CRIM1: variants seen among roughly 807,000 people sequenced by gnomAD.
CRIM1 encodes the protein cysteine rich transmembrane BMP regulator 1, also known as cysteine-rich motor neuron 1 protein.
Under a neutral mutation model 116.4 loss-of-function variants are expected in CRIM1, and 32 were observed. The observed-to-expected ratio is 0.27, with a 90% confidence interval of 0.21 to 0.37. The LOEUF is 0.37. CRIM1 is among the 10% of genes least tolerant of loss of function. The pLI is 1.00. For missense variants in CRIM1, 1,331 were observed against 1,354.8 expected (o/e 0.98, Z 0.28); for synonymous variants, 590 against 509.2 (o/e 1.16, Z -2.13).
At chr2:36,495,321 G>A (rs957764526) in intron 7 of CRIM1, among the ~76,000 whole-genome samples, 6 of 152,154 alleles carry the variant, frequency 3.9e-5, no homozygotes, top group African/African-American at 1.2e-4. Flanking sequence ...GGCAATTTCC[G>A]TATTCAAAGC....
intron 2 of CRIM1, among the ~76,000 whole-genome samples, chr2:36,403,403 G>A (rs929297755): frequency 1.3e-5 from 2 of 152,194 alleles, no homozygotes; most frequent in Non-Finnish European, 2.9e-5. Flanking sequence ...ATACATCATT[G>A]TTTTATATTG....
intron 1 of CRIM1, among the ~76,000 whole-genome samples, chr2:36,377,330 G>A (rs1670401596): frequency 6.6e-6 from 1 of 152,204 alleles, no homozygotes; most frequent in Non-Finnish European, 1.5e-5. Flanking sequence ...TAGGGATACA[G>A]TCTCAAGAAA....
intron 2 of CRIM1, among the ~76,000 whole-genome samples, chr2:36,413,092 G>C (rs1673333081): frequency 6.6e-6 from 1 of 152,188 alleles, no homozygotes; most frequent in Non-Finnish European, 1.5e-5. Flanking sequence ...GACTCAGGCT[G>C]TCAGGAAAAT....
intron 12 of CRIM1, among the ~76,000 whole-genome samples, chr2:36,518,903 T>A (rs369271667): frequency 9.2e-5 from 14 of 152,214 alleles, no homozygotes; most frequent in East Asian, 7.7e-4. Context: ...AATGCCTGAA[T>A]TGAACTATGG....
At chr2:36,536,877 C>T (rs1666589590) in intron 13 of CRIM1, among the ~76,000 whole-genome samples, 2 of 151,940 alleles carry the variant, frequency 1.3e-5, no homozygotes, top group Admixed American at 6.6e-5. Context: ...GAAATCTACG[C>T]AGCATCCCTG....
chr2:36,420,321 A>G (rs932105325), intron 2 of CRIM1, among the ~76,000 whole-genome samples: 2 of 152,166 alleles, frequency 1.3e-5, no homozygotes, highest in African/African-American at 4.8e-5. Context: ...TATTTAATAT[A>G]CCCAAGAATC....
intron 13 of CRIM1, among the ~76,000 whole-genome samples, chr2:36,532,627 G>A (rs893944875): frequency 5.9e-5 from 9 of 152,122 alleles, no homozygotes; most frequent in East Asian, 3.9e-4. Flanking sequence ...ATCCTTGTCC[G>A]GGCAAGTGGT....
At chr2:36,468,772 A>C (rs1039175872) in intron 5 of CRIM1, among the ~76,000 whole-genome samples, 2 of 152,176 alleles carry the variant, frequency 1.3e-5, no homozygotes, top group Non-Finnish European at 2.9e-5. Context: ...TGTCTTACAC[A>C]TGGCCCACCT....
rs553986742 is a variant in CRIM1 at position 36,398,238 on chromosome 2, G to A, written c.505+1451G>A. On this transcript the variant is annotated intron_variant, in intron 2 of 16. Transcript: ENST00000280527. ...ACATTTCAGGAAGCTGTCCTAAATG[G>A]TGAGTGCGTCACCATTGCTGTCATT... 7.2e-5 allele frequency among the ~76,000 whole-genome samples: 11 copies of A among 152,214 alleles called. No homozygotes were observed. The South Asian group carries it at 2.3e-3, about 32-fold the overall frequency.
chr2:36,480,495 A>C (rs1269473039), intron 7 of CRIM1, among the ~76,000 whole-genome samples: 2 of 152,242 alleles, frequency 1.3e-5, no homozygotes, highest in African/African-American at 4.8e-5. Context: ...AAATTAATCC[A>C]TGTTGAAGAT....
At position 36,484,809 on chromosome 2, in the gene CRIM1, A is replaced by G. The variant is rs534461107; in HGVS notation, c.1372+5115A>G. 2.0e-5 allele frequency among the ~76,000 whole-genome samples: 3 copies of G among 152,304 alleles called. No individual in the cohort carries two copies. The South Asian group carries it at 6.2e-4, about 32-fold the overall frequency. On this transcript the variant is annotated intron_variant, in intron 7 of 16. Coordinates refer to ENST00000280527, the MANE Select transcript of CRIM1 (RefSeq NM_016441.3). ...AAGAACTAGGAACAACTTAGGTAAT[A>G]TTTTAAAAGGTAGCATTCAGAATTA...
chr2:36,448,596 G>A (rs1020782924), intron 4 of CRIM1, among the ~76,000 whole-genome samples: 2 of 151,808 alleles, frequency 1.3e-5, no homozygotes, highest in East Asian at 1.9e-4. Flanking sequence ...TGTAAGTCAC[G>A]AGTTTTTTAA....
intron 1 of CRIM1, among the ~76,000 whole-genome samples, chr2:36,388,447 A>C (rs1351542779): frequency 3.3e-5 from 5 of 152,210 alleles, no homozygotes; most frequent in African/African-American, 1.2e-4. Context: ...AATTGTTAGC[A>C]TTGTACAATT....
intron 14 of CRIM1, among the ~76,000 whole-genome samples, chr2:36,543,230 C>T (rs1041528951): frequency 6.6e-6 from 1 of 152,180 alleles, no homozygotes; most frequent in African/African-American, 2.4e-5. Context: ...AACTTAACCT[C>T]TCTGGGTTTC....
rs1558490715 is a variant in CRIM1 at position 36,356,213 on chromosome 2, C to CG, written c.-79dup. ...CGGGCTGCTGGTGCGGCGGCGGCGG[C>CG]GCGTGTGCCCCGCGCAGGGGAGGGC... is the stretch of plus-strand genomic sequence containing the variant. On this transcript the variant is annotated 5_prime_UTR_variant, in exon 1 of 17. Coordinates refer to ENST00000280527, the MANE Select transcript of CRIM1 (RefSeq NM_016441.3). The surrounding 1 kb of genome is among the most constrained non-coding windows in gnomAD (Gnocchi z 4.3). The CG allele has an allele frequency of 2.3e-5, 15 of 656,054 alleles. No homozygotes were observed. The East Asian group carries it at 5.5e-4, about 24-fold the overall frequency. The allele number at this position is 656,054 out of a possible 1,614,324, so 40.6% of individuals were successfully genotyped here.
At chr2:36,366,293 C>G (rs759887821) in intron 1 of CRIM1, among the ~76,000 whole-genome samples, 43 of 152,052 alleles carry the variant, frequency 2.8e-4, no homozygotes, top group Admixed American at 1.6e-3. Context: ...TCATTTGTAG[C>G]ACTTCTATCA....
At chr2:36,503,305 A>C (rs1681132656) in intron 8 of CRIM1, among the ~76,000 whole-genome samples, 1 of 152,210 alleles carries the variant, frequency 6.6e-6, no homozygotes, top group African/African-American at 2.4e-5. Context: ...TGACTTCCAC[A>C]TGGGTAATAA....
intron 7 of CRIM1, among the ~76,000 whole-genome samples, chr2:36,486,623 G>A (rs1296880635): frequency 2.6e-5 from 4 of 152,076 alleles, no homozygotes; most frequent in African/African-American, 9.7e-5. Flanking sequence ...GCGTGCAAGG[G>A]GGTGGGTTGC....
intron 13 of CRIM1, among the ~76,000 whole-genome samples, chr2:36,525,130 G>A (rs529830333): frequency 5.3e-5 from 8 of 152,190 alleles, no homozygotes; most frequent in Non-Finnish European, 1.2e-4. Flanking sequence ...AACTGTAACC[G>A]TGTACCTTAT....
Sources: gnomAD v4.1 joint callset for allele counts (sites outside exome capture counted in the v4.1 genomes callset) on GRCh38, gnomAD v4.1.1 for gene constraint, Gnocchi (gnomAD v3.1) non-coding constraint, MANE v1.5 for transcripts, NCBI Gene and HGNC (gene_info 2026-07-23, HGNC 2026-07-21) for gene names.